The following OSTN variants were observed in gnomAD, a reference collection of about 807,000 sequenced individuals.
OSTN encodes osteocrin.
In OSTN, 9 loss-of-function variants were observed where a neutral mutation model predicts 12.0. The ratio of observed to expected loss-of-function variants is 0.75; its 90% confidence interval spans 0.45 to 1.30. The LOEUF is 1.30. Ranked by LOEUF, OSTN falls within the 50% of genes most tolerant of loss-of-function variation. OSTN has a pLI of 0.00. For synonymous variants in OSTN, 59 were observed against 56.9 expected (o/e 1.04, Z -0.16); for missense variants, 148 against 152.3 (o/e 0.97, Z 0.15).
At chr3:191,244,886 A>G (rs915182558) in intron 3 of OSTN, among the ~76,000 whole-genome samples, 4 of 151,996 alleles carry the variant, frequency 2.6e-5, no homozygotes, top group African/African-American at 9.7e-5. Flanking sequence ...GATAAGATGA[A>G]TCAAAGTAAT....
intron 3 of OSTN, among the ~76,000 whole-genome samples, chr3:191,239,030 G>T (rs1453496283): frequency 1.3e-5 from 2 of 152,186 alleles, no homozygotes; most frequent in Non-Finnish European, 2.9e-5. Context: ...CCAAGTAAAT[G>T]GAGATCCTCT....
intron 3 of OSTN, among the ~76,000 whole-genome samples, chr3:191,242,332 A>C (rs193222261): frequency 2.6e-4 from 40 of 152,312 alleles, no homozygotes; most frequent in African/African-American, 8.7e-4. Context: ...CATTAAAAAC[A>C]CTCTAAATAA....
At chr3:191,207,350 T>G (rs916310404) in intron 1 of OSTN, among the ~76,000 whole-genome samples, 1 of 151,576 alleles carries the variant, frequency 6.6e-6, no homozygotes, top group Non-Finnish European at 1.5e-5. Flanking sequence ...AATCATAAAT[T>G]TGCAGGTTGA....
At chr3:191,210,038 T>C (rs1378992795) in intron 1 of OSTN, among the ~76,000 whole-genome samples, 1 of 152,118 alleles carries the variant, frequency 6.6e-6, no homozygotes, top group African/African-American at 2.4e-5. Context: ...TTTAATTGGC[T>C]CACAGTTACA....
chr3:191,243,830 T>C (rs571574119), intron 3 of OSTN, among the ~76,000 whole-genome samples: 1 of 152,286 alleles, frequency 6.6e-6, no homozygotes, highest in South Asian at 2.1e-4. Context: ...GTCACAATGC[T>C]GTACATTGTT....
chr3:191,257,624 C>A (rs532878202), intron 4 of OSTN, among the ~76,000 whole-genome samples: 1 of 152,092 alleles, frequency 6.6e-6, no homozygotes, highest in Non-Finnish European at 1.5e-5. Flanking sequence ...TACACAGACT[C>A]GGAAACAAAT....
rs759801670 is a variant in OSTN, at chr3:191,218,915, C to G, written c.271C>G (p.Leu91Val). 4.3e-6 allele frequency: 7 copies of G among 1,613,942 alleles called. No individual in the cohort carries two copies. Among genetic ancestry groups the G allele is most frequent in the Non-Finnish European group, 5.9e-6 (7 of 1,179,968 alleles). ...KRSFSGFGSP[L>V]DRLSAGSVDH... ...GAGTTTCTCTGGTTTTGGGTCTCCCCTTGACAGACTCTCAGCTGGCTCTGT... is the reference window on the plus strand; with the variant it reads ...GAGTTTCTCTGGTTTTGGGTCTCCCGTTGACAGACTCTCAGCTGGCTCTGT... Residue 91 changes from leucine to valine, a missense_variant, in exon 3 of 5, where the codon CTT (leucine) becomes GTT (valine). By Grantham distance (32) the Leu-to-Val change is conservative (BLOSUM62 1). Coordinates refer to ENST00000682035, the MANE Select transcript of OSTN (RefSeq NM_198184.2).
At chr3:191,261,505 A>T (rs1433231685) in intron 4 of OSTN, among the ~76,000 whole-genome samples, 1 of 152,208 alleles carries the variant, frequency 6.6e-6, no homozygotes, top group Non-Finnish European at 1.5e-5. Context: ...GTTTCTTTTC[A>T]GACCTCTGAA....
chr3:191,249,608 A>G (rs1715512445), intron 3 of OSTN, among the ~76,000 whole-genome samples: 1 of 152,194 alleles, frequency 6.6e-6, no homozygotes, highest in Admixed American at 6.5e-5. Context: ...CTCTCCCACC[A>G]TCATCCTTCT....
At position 191,255,004 on chromosome 3, in the gene OSTN, C is replaced by A. The variant is rs575940442; in HGVS notation, c.*12+4871C>A. ...CAGAAAGTGACATTCTTTAGTTCAG[C>A]TGTCCCCAGGCTTTTCGGCGCCGGG... On this transcript the variant is annotated intron_variant, in intron 4 of 4. Transcript: ENST00000682035. Among the ~76,000 whole-genome samples the A allele has an allele frequency of 2.6e-5, 4 of 152,310 alleles. No individual in the cohort carries two copies. In the South Asian group the frequency reaches 8.3e-4, roughly 32 times the overall value.
At chr3:191,223,017 A>T (rs1182577736) in intron 3 of OSTN, among the ~76,000 whole-genome samples, 1 of 152,152 alleles carries the variant, frequency 6.6e-6, no homozygotes, top group Non-Finnish European at 1.5e-5. Context: ...AATTAATTTA[A>T]ATTTAAAATT....
chr3:191,222,343 G>T (rs930882631), intron 3 of OSTN, among the ~76,000 whole-genome samples: 3 of 152,054 alleles, frequency 2.0e-5, no homozygotes, highest in Non-Finnish European at 4.4e-5. Flanking sequence ...GCCAAGAGGG[G>T]ATGACCTGGA....
intron 1 of OSTN, among the ~76,000 whole-genome samples, chr3:191,207,107 G>C (rs902404492): frequency 4.4e-4 from 67 of 152,302 alleles, no homozygotes; most frequent in African/African-American, 1.5e-3. Flanking sequence ...CTCTGTCGCG[G>C]TGAGAAGAGA....
rs778562671 is a variant in OSTN at position 191,218,748 on chromosome 3, C to G, written c.104C>G (p.Ala35Gly). Residue 35 changes from alanine (A) to glycine (G), a missense_variant and splice_region_variant, in exon 3 of 5, where the codon GCC becomes GGC. Transcript: ENST00000682035. ...VLSVDVTTTE[A>G]FDSGVIDVQS... ...GAATCGCCTTTCTCTGCCTTATAGG[C>G]CTTTGATTCTGGAGTCATAGATGTG... 1 of 1,613,296 alleles carries G rather than the reference C, an allele frequency of 6.2e-7. No homozygotes were observed. The highest frequency in any genetic ancestry group is 2.2e-5 in the East Asian group (1 of 44,860).
At chr3:191,216,237 C>T (rs1433894095) in intron 2 of OSTN, among the ~76,000 whole-genome samples, 1 of 152,180 alleles carries the variant, frequency 6.6e-6, no homozygotes, top group Non-Finnish European at 1.5e-5. Flanking sequence ...TGCAAGGCAC[C>T]AAGTCCCAAG....
intron 3 of OSTN, among the ~76,000 whole-genome samples, chr3:191,244,260 A>G (rs1046154845): frequency 6.6e-6 from 1 of 152,130 alleles, no homozygotes; most frequent in East Asian, 1.9e-4. Context: ...CCTGTTTCAC[A>G]TAGGAAGTTT....
At chr3:191,213,290 GTTTT>G (rs970474632) in intron 2 of OSTN, 1 of 152,138 alleles carries the variant, frequency 6.6e-6, no homozygotes, top group African/African-American at 2.4e-5. Context: ...AAAATCGGTA[GTTTT>G]TTATTGTCTT....
At chr3:191,221,114 C>A (rs931876363) in intron 3 of OSTN, among the ~76,000 whole-genome samples, 3 of 152,174 alleles carry the variant, frequency 2.0e-5, no homozygotes, top group Admixed American at 2.0e-4. Flanking sequence ...TCGCTCTGCT[C>A]TTCTCCTTGC....
chr3:191,204,758 G>A (rs1344029299), intron 1 of OSTN, among the ~76,000 whole-genome samples: 1 of 152,128 alleles, frequency 6.6e-6, no homozygotes, highest in African/African-American at 2.4e-5. Context: ...ATTACCTATA[G>A]AATGACAAAC....
Sources: gnomAD v4.1 joint callset for allele counts (sites outside exome capture counted in the v4.1 genomes callset) on GRCh38, gnomAD v4.1.1 for gene constraint, MANE v1.5 for transcripts, NCBI Gene and HGNC (gene_info 2026-07-23, HGNC 2026-07-21) for gene names.